GABRB2: variants seen among roughly 807,000 people sequenced by gnomAD.
GABRB2 encodes gamma-aminobutyric acid receptor subunit beta-2.
GABRB2 carries 16 observed loss-of-function variants against 54.7 expected under a neutral mutation model. That is an observed-to-expected ratio of 0.29 (90% CI 0.20 to 0.44). The LOEUF (loss-of-function observed/expected upper bound fraction) is 0.44. GABRB2 is among the 20% of genes least tolerant of loss of function. GABRB2 has a pLI of 1.00. For missense variants in GABRB2, 355 were observed against 644.0 expected (o/e 0.55, Z 4.86); for synonymous variants, 244 against 233.8 (o/e 1.04, Z -0.40).
intron 5 of GABRB2, among the ~76,000 whole-genome samples, chr5:161,344,273 T>C (rs1440489759): frequency 1.3e-5 from 2 of 152,128 alleles, no homozygotes; most frequent in Non-Finnish European, 2.9e-5. Flanking sequence ...TTTCCTTAAA[T>C]AGTCTATAAC....
intron 4 of GABRB2, among the ~76,000 whole-genome samples, chr5:161,446,427 A>G (rs933701780): frequency 6.6e-6 from 1 of 152,156 alleles, no homozygotes; most frequent in African/African-American, 2.4e-5. Flanking sequence ...CAAAGTGAAT[A>G]ATTGCATTCA....
chr5:161,461,937 G>A (rs1581006166), intron 3 of GABRB2, among the ~76,000 whole-genome samples: 1 of 152,202 alleles, frequency 6.6e-6, no homozygotes, highest in East Asian at 1.9e-4. Flanking sequence ...AACCTTTGTT[G>A]AGATTTATAC....
intron 5 of GABRB2, among the ~76,000 whole-genome samples, chr5:161,403,787 A>G (rs1756273117): frequency 6.6e-6 from 1 of 152,190 alleles, no homozygotes; most frequent in Non-Finnish European, 1.5e-5. Flanking sequence ...TAATTTATTT[A>G]GAATAAAATA....
chr5:161,503,075 A>C (rs1041258857), intron 3 of GABRB2, among the ~76,000 whole-genome samples: 1 of 152,146 alleles, frequency 6.6e-6, no homozygotes, highest in African/African-American at 2.4e-5. Context: ...AATGAGACTG[A>C]TAAATGGGAA....
At chr5:161,463,316 AC>A (rs1343032612) in intron 3 of GABRB2, among the ~76,000 whole-genome samples, 1 of 109,208 alleles carries the variant, frequency 9.2e-6, no homozygotes, top group Non-Finnish European at 1.8e-5. Flanking sequence ...GTACACACAC[AC>A]CACACACACA....
intron 3 of GABRB2, among the ~76,000 whole-genome samples, chr5:161,482,205 G>T (rs897446650): frequency 3.3e-5 from 5 of 152,002 alleles, no homozygotes; most frequent in Non-Finnish European, 5.9e-5. Flanking sequence ...CCCTCACGAG[G>T]TGTGCATGTG....
intron 5 of GABRB2, among the ~76,000 whole-genome samples, chr5:161,355,907 A>G (rs1461502204): frequency 6.6e-6 from 1 of 152,164 alleles, no homozygotes; most frequent in Non-Finnish European, 1.5e-5. Context: ...TATTTATACC[A>G]GAAAAAATAT....
intron 5 of GABRB2, among the ~76,000 whole-genome samples, chr5:161,351,613 G>C (rs543810508): frequency 3.3e-5 from 5 of 151,954 alleles, no homozygotes; most frequent in Non-Finnish European, 7.4e-5. Flanking sequence ...AAAACAAAGC[G>C]GGAAAAGCTC....
At chr5:161,387,346 T>C (rs989718689) in intron 5 of GABRB2, among the ~76,000 whole-genome samples, 1 of 152,070 alleles carries the variant, frequency 6.6e-6, no homozygotes, top group Non-Finnish European at 1.5e-5. Context: ...TCACGAAACA[T>C]CCCTATGGAA....
At chr5:161,417,925 C>T (rs879742886) in intron 4 of GABRB2, among the ~76,000 whole-genome samples, 1 of 152,188 alleles carries the variant, frequency 6.6e-6, no homozygotes, top group Non-Finnish European at 1.5e-5. Flanking sequence ...CACTACTACG[C>T]TCAACTTTGT....
intron 5 of GABRB2, among the ~76,000 whole-genome samples, chr5:161,395,677 T>C (rs1324375260): frequency 1.3e-5 from 2 of 151,972 alleles, no homozygotes; most frequent in African/African-American, 4.8e-5. Flanking sequence ...GTGTAGGAGT[T>C]AGCTAAGCAA....
At chr5:161,369,221 A>G (rs556782577) in intron 5 of GABRB2, among the ~76,000 whole-genome samples, 2 of 152,332 alleles carry the variant, frequency 1.3e-5, no homozygotes, top group East Asian at 1.9e-4. Flanking sequence ...GCCCAAATCT[A>G]TGCTGTGAAA....
At chr5:161,347,301 A>C (rs1754345298) in intron 5 of GABRB2, among the ~76,000 whole-genome samples, 1 of 152,084 alleles carries the variant, frequency 6.6e-6, no homozygotes, top group African/African-American at 2.4e-5. Context: ...TAAGGATTGA[A>C]CTCAATCTGC....
rs571443812 is a variant in GABRB2 at position 161,512,580 on chromosome 5, T to C, written c.237+32647A>G. 2.6e-5 allele frequency among the ~76,000 whole-genome samples: 4 copies of C among 152,134 alleles called. 1 individual carries two copies. The East Asian group carries it at 7.7e-4, about 29-fold the overall frequency. On this transcript the variant is annotated intron_variant, in intron 3 of 9. Transcript: ENST00000393959. The stretch of plus-strand genomic sequence containing the variant: ...AAAAACTAATTCAGGGTGGATTAAA[T>C]ATTTAAATATAAGACCTCAAACTAT...
At chr5:161,492,414 C>G (rs1581031035) in intron 3 of GABRB2, among the ~76,000 whole-genome samples, 1 of 151,638 alleles carries the variant, frequency 6.6e-6, no homozygotes, top group African/African-American at 2.4e-5. Flanking sequence ...TTAATGCAGG[C>G]CTTAAAAGTT....
chr5:161,351,684 AG>A (rs1280652286), intron 5 of GABRB2, among the ~76,000 whole-genome samples: 1 of 152,138 alleles, frequency 6.6e-6, no homozygotes, highest in African/African-American at 2.4e-5. Context: ...AGGCAACAAA[AG>A]CAAAAACATA....
At chr5:161,412,424 C>T (rs1196009669) in intron 4 of GABRB2, among the ~76,000 whole-genome samples, 2 of 152,198 alleles carry the variant, frequency 1.3e-5, no homozygotes, top group African/African-American at 4.8e-5. Context: ...ACTGCCTCCC[C>T]TCTGAGTCTA....
chr5:161,454,543 T>G (rs1255271190), intron 4 of GABRB2, among the ~76,000 whole-genome samples: 1 of 152,192 alleles, frequency 6.6e-6, no homozygotes, highest in Non-Finnish European at 1.5e-5. Context: ...TAGGGTAAAG[T>G]TCTATAATTT....
intron 6 of GABRB2, 75 bp downstream of exon 6, chr5:161,336,557 C>T: frequency 6.6e-7 from 1 of 1,519,232 alleles, no homozygotes; most frequent in Non-Finnish European, 9.0e-7. Context: ...TGGGACAGAA[C>T]TCTAATATAA....
Sources: allele counts gnomAD v4.1 joint callset (sites outside exome capture counted in the v4.1 genomes callset), GRCh38; gene constraint gnomAD v4.1.1; transcripts MANE v1.5; gene names NCBI Gene and HGNC (gene_info 2026-07-23, HGNC 2026-07-21).